The following APC2 variants were observed in gnomAD, a reference collection of about 807,000 sequenced individuals.
APC2 encodes adenomatous polyposis coli protein 2.
In APC2, 41 loss-of-function variants were observed where a neutral mutation model predicts 72.5. The observed-to-expected ratio is 0.57, with a 90% CI of 0.44 to 0.73. The LOEUF (loss-of-function observed/expected upper bound fraction) is 0.73, where lower values mean the gene tolerates loss of function less well. Ranked by LOEUF, APC2 falls within the 30% of genes least tolerant of loss-of-function variation. The probability of loss-of-function intolerance (pLI) is 0.00; values close to 1 mark genes in which losing one functional copy is unlikely to be tolerated. For synonymous variants in APC2, 1,898 were observed against 1,612.0 expected, an observed-to-expected ratio of 1.18 and a Z score of -4.25; for missense variants, 3,729 against 3,403.4, an observed-to-expected ratio of 1.10 and a Z score of -2.38.
intron 14 of APC2, among the ~76,000 whole-genome samples, chr19:1,464,857 T>G (rs892449617): frequency 6.6e-6 from 1 of 151,430 alleles, no homozygotes; most frequent in Non-Finnish European, 1.5e-5. Context: ...GGTCTCGATC[T>G]CCTGACCTCA....
In APC2 at chr19:1,462,182, G is replaced by GCGGGGCCCC; in HGVS notation, c.1853+6_1853+7insGGGGCCCCC. 1.3e-6 allele frequency: 2 copies of GCGGGGCCCC among 1,535,402 alleles called. No homozygotes were observed. The highest frequency in any genetic ancestry group is 8.8e-7 in the Non-Finnish European group (1 of 1,139,608). ...CGCCACCCGTGAGGACTACAGGTCG[G>GCGGGGCCCC]CCCCCACCCCCCCACCCGCACACAG... is the stretch of plus-strand genomic sequence containing the variant. On this transcript the variant is annotated splice_donor_region_variant and intron_variant, in intron 14 of 14. Coordinates refer to ENST00000590469, the MANE Select transcript of APC2 (RefSeq NM_005883.3).
In APC2 at chr19:1,468,912, A is replaced by G; in HGVS notation, c.5611A>G (p.Thr1871Ala). Residue 1871 changes from threonine (T) to alanine (A), a missense_variant, in exon 15 of 15, where the codon ACC becomes GCC. Thr to Ala is a moderately conservative substitution (Grantham distance 58). Coordinates refer to ENST00000590469, the MANE Select transcript of APC2 (RefSeq NM_005883.3). Reference protein sequence around the residue: ...SATPPARLAKTPSSSSSQTSP... With the variant: ...SATPPARLAKAPSSSSSQTSP... ...CACACCGCCCGCCCGCCTCGCCAAG[A>G]CCCCCTCCTCCAGCTCCTCCCAGAC... The G allele has an allele frequency of 1.3e-6, 2 of 1,521,830 alleles. No individual in the cohort carries two copies. The highest frequency in any genetic ancestry group is 1.8e-6 in the Non-Finnish European group (2 of 1,141,584). The allele number at this position is 1,521,830 out of a possible 1,614,324, so 94.3% of individuals were successfully genotyped here.
At position 1,469,589 on chromosome 19, in the gene APC2, C is replaced by T. The variant is rs922623531; in HGVS notation, c.6288C>T (p.Val2096=). ...VRAPAARPET[V]KRYASLPHIS... ...CGCCCGCCGCCCGGCCGGAGACTGT[C>T]AAGCGCTACGCGTCGCTGCCGCACA... Residue 2096 remains valine (V), a synonymous_variant, in exon 15 of 15, where the codon GTC becomes GTT. Coordinates refer to ENST00000590469, the MANE Select transcript of APC2 (RefSeq NM_005883.3). 8.0e-5 allele frequency: 101 copies of T among 1,261,552 alleles called. No homozygotes were observed. Among genetic ancestry groups the T allele is most frequent in the Admixed American group, 4.1e-4 (13 of 31,716 alleles). The allele number at this position is 1,261,552 out of a possible 1,614,324, so 78.1% of individuals were successfully genotyped here.
In APC2 at chr19:1,466,569, C is replaced by G. The variant is rs991471470; in HGVS notation, c.3268C>G (p.Leu1090Val). ...CCCAGGCCCCAGCGAGGGTGGTGAC[C>G]TGGATGACAGTGACTCCTCCCTGGA... ...GRPGPSEGGD[L>V]DDSDSSLEGL... The change falls in exon 15 of 15, where the codon CTG becomes GTG. Residue 1090 changes from leucine (L) to valine (V), a missense_variant. Physicochemically the swap from Leu to Val is conservative, Grantham distance 32 (BLOSUM62 1). Transcript: ENST00000590469. 5.1e-6 allele frequency: 8 copies of G among 1,578,974 alleles called. No homozygotes were observed. The highest frequency in any genetic ancestry group is 1.7e-5 in the Admixed American group (1 of 57,192).
chr19:1,448,273 T>G (rs2083704491), upstream of APC2, among the ~76,000 whole-genome samples: 1 of 152,136 alleles, frequency 6.6e-6, no homozygotes, highest in Non-Finnish European at 1.5e-5. Context: ...TGCTGTTCAC[T>G]TCTCAGGGCA....
At chr19:1,460,961 T>C (rs2083913294) in intron 12 of APC2, 76 bp from the exon 13 acceptor site, 9 of 1,596,040 alleles carry the variant, frequency 5.6e-6, no homozygotes, top group East Asian at 2.2e-5. Context: ...TCCGACTCTC[T>C]GCAGACTCAC....
rs2083727091 is a variant in APC2, at chr19:1,450,217, C to T, written c.-140C>T. 25 of 985,220 alleles carry T rather than the reference C, an allele frequency of 2.5e-5. No homozygotes were observed. The highest frequency in any genetic ancestry group is 2.9e-5 in the Non-Finnish European group (24 of 829,902). The allele number at this position is 985,220 out of a possible 1,614,324, so 61.0% of individuals were successfully genotyped here. Reference sequence around the variant, plus strand: ...GGAGCCCCTGCCCGCGCCGCGGAGACCCCGGAGCCCGCGCGCTCCGAGGCC... The same window carrying T: ...GGAGCCCCTGCCCGCGCCGCGGAGATCCCGGAGCCCGCGCGCTCCGAGGCC... On this transcript the variant is annotated 5_prime_UTR_variant, in exon 1 of 15. Coordinates refer to ENST00000590469, the MANE Select transcript of APC2 (RefSeq NM_005883.3).
At chr19:1,461,686 A>C in intron 13 of APC2, 1 of 455,614 alleles carries the variant, frequency 2.2e-6, no homozygotes, top group Non-Finnish European at 3.9e-6. Context: ...CCCCGTCTCT[A>C]CTAAAAATAC....
rs895624748 is a variant in APC2, at chr19:1,468,743, A to G, written c.5442A>G (p.Thr1814=). Residue 1814 remains threonine (T), a synonymous_variant, in exon 15 of 15, where the codon ACA becomes ACG. Transcript: ENST00000590469. ...AAGGGACCCCCGGCCCCCGCGCCAC[A>G]CCGCGGAAGGTGGCGCCCCCTTGCC... ...QPKGTPGPRA[T]PRKVAPPCLA... 11 of 1,498,472 alleles carry G rather than the reference A, an allele frequency of 7.3e-6. No homozygotes were observed. In the African/African-American group the frequency reaches 1.6e-4, roughly 21 times the overall value. The allele number at this position is 1,498,472 out of a possible 1,614,324, so 92.8% of individuals were successfully genotyped here. A position where few individuals can be genotyped will look rare whatever the true frequency, so the allele number is the denominator to read the frequency against.
upstream of APC2, among the ~76,000 whole-genome samples, chr19:1,448,826 A>C (rs2083710935): frequency 6.7e-6 from 1 of 150,236 alleles, no homozygotes; most frequent in Non-Finnish European, 1.5e-5. Flanking sequence ...CCTGGGCTAC[A>C]GAGCAAGACT....
chr19:1,467,179 AGCTG>A lies in APC2; in HGVS notation c.3879_3882del (p.Glu1293AspfsTer286). 1.3e-6 allele frequency: 2 copies of A among 1,521,144 alleles called. No homozygotes were observed. The highest frequency in any genetic ancestry group is 1.8e-6 in the Non-Finnish European group (2 of 1,136,878). 94.2% of individuals were successfully genotyped at this position (1,521,144 alleles called of 1,614,324 possible). ...GAGCACTACGTGCAGCAGGACGTGG[AGCTG>A]CGGCTGCTGCCCTCGGCCTGCCCCG... On this transcript the variant is annotated frameshift_variant, in exon 15 of 15. Coordinates refer to ENST00000590469, the MANE Select transcript of APC2 (RefSeq NM_005883.3). LOFTEE classifies it low-confidence loss of function (END_TRUNC).
intron 13 of APC2, 112 bp from the exon 14 acceptor site, chr19:1,461,851 C>CAA (rs370073075): frequency 1.5e-3 from 1,041 of 715,170 alleles, no homozygotes; most frequent in Non-Finnish European, 1.7e-3. Flanking sequence ...GATTCCGTCT[C>CAA]AAAAAAAAAA....
intron 2 of APC2, 46 bp from the exon 3 acceptor site, chr19:1,453,201 C>T (rs2083766198): frequency 6.4e-7 from 1 of 1,564,264 alleles, no homozygotes; most frequent in Non-Finnish European, 8.7e-7. Context: ...CCCGGCAGCC[C>T]AGTGCAGTGG....
chr19:1,447,038 C>G (rs2083694005), upstream of APC2, among the ~76,000 whole-genome samples: 1 of 152,184 alleles, frequency 6.6e-6, no homozygotes, highest in South Asian at 2.1e-4. Context: ...GCGGTGCTGA[C>G]GGAGGCGCAC....
At chr19:1,456,263 G>T in intron 7 of APC2, 43 bp from the exon 8 acceptor site, 1 of 1,576,994 alleles carries the variant, frequency 6.3e-7, no homozygotes, top group Non-Finnish European at 8.6e-7. Flanking sequence ...AGCAGACTGG[G>T]TGCTCTGGGA....
chr19:1,459,115 TCA>T (rs1343858767), intron 10 of APC2, among the ~76,000 whole-genome samples: 1 of 152,138 alleles, frequency 6.6e-6, no homozygotes, highest in Non-Finnish European at 1.5e-5. Flanking sequence ...AGGAGTGGAA[TCA>T]CACAGGATTT....
intron 10 of APC2, 96 bp downstream of exon 10, chr19:1,458,156 C>A: frequency 8.4e-7 from 1 of 1,195,454 alleles, no homozygotes; most frequent in Non-Finnish European, 1.2e-6. Flanking sequence ...GTCATCTGAG[C>A]TTGGGCTGGG....
chr19:1,466,150 T>C lies in APC2; in HGVS notation c.2849T>C (p.Leu950Pro). 1 of 1,565,090 alleles carries C rather than the reference T, an allele frequency of 6.4e-7. No individual in the cohort carries two copies. The highest frequency in any genetic ancestry group is 8.6e-7 in the Non-Finnish European group (1 of 1,166,032). Residue 950 changes from leucine (L) to proline (P), a missense_variant, in exon 15 of 15, where the codon CTG becomes CCG. By Grantham distance (98) the Leu-to-Pro change is moderately conservative. Coordinates refer to ENST00000590469, the MANE Select transcript of APC2 (RefSeq NM_005883.3). ...ATGCTGCCCTGCCCGCTGGCCGCACTGGCTTCGCGCCGCGAGGACCCCAGG... is the reference window on the plus strand; with the variant it reads ...ATGCTGCCCTGCCCGCTGGCCGCACCGGCTTCGCGCCGCGAGGACCCCAGG... ...EHMLPCPLAA[L>P]ASRREDPRCG...
At position 1,453,600 on chromosome 19, in the gene APC2, G is replaced by C; in HGVS notation, c.402G>C (p.Leu134=). Residue 134 remains leucine (L), a synonymous_variant, in exon 4 of 15, where the codon CTG becomes CTC. Coordinates refer to ENST00000590469, the MANE Select transcript of APC2 (RefSeq NM_005883.3). ...SRATIRLLEE[L]DRERCFLLNE... ...CCACCATCCGGCTGCTGGAGGAACT[G>C]GACCGGGAACGGTGAGTGGGCGTGG... 6.2e-7 allele frequency: 1 copy of C among 1,602,312 alleles called. No individual in the cohort carries two copies. Among genetic ancestry groups the C allele is most frequent in the Non-Finnish European group, 8.5e-7 (1 of 1,175,240 alleles).
Sources: gnomAD v4.1 joint callset for allele counts (sites outside exome capture counted in the v4.1 genomes callset) on GRCh38, gnomAD v4.1.1 for gene constraint, MANE v1.5 for transcripts, NCBI Gene and HGNC (gene_info 2026-07-23, HGNC 2026-07-21) for gene names.